Variants in SLCO1C1 observed in about 807,000 individuals in gnomAD.
SLCO1C1 encodes solute carrier organic anion transporter family member 1C1.
SLCO1C1 carries 70 observed loss-of-function variants against 76.4 expected under a neutral mutation model. That is an observed-to-expected ratio of 0.92 (90% CI 0.76 to 1.12). The LOEUF is 1.12. Among genes scored for constraint, SLCO1C1 ranks in the 50% most tolerant of loss-of-function variants. The pLI, the probability that SLCO1C1 is intolerant of heterozygous loss-of-function variation, is 0.00. For missense variants in SLCO1C1, 912 were observed against 823.8 expected (o/e 1.11, Z -1.31); for synonymous variants, 306 against 286.1 (o/e 1.07, Z -0.70).
At chr12:20,725,174 T>C (rs1157720969) in intron 9 of SLCO1C1, among the ~76,000 whole-genome samples, 1 of 136,834 alleles carries the variant, frequency 7.3e-6, no homozygotes, top group Admixed American at 7.6e-5. Context: ...TTATTATTTA[T>C]ATTATAAATC....
chr12:20,715,950 A>G (rs1253456692), intron 6 of SLCO1C1, among the ~76,000 whole-genome samples: 1 of 152,202 alleles, frequency 6.6e-6, no homozygotes, highest in African/African-American at 2.4e-5. Flanking sequence ...TGATGTCTTA[A>G]TATTAAGCTA....
Position 20,724,028 on chromosome 12 carries a change from T to C in SLCO1C1, c.1186+774T>C, listed in dbSNP as rs1056124351. On this transcript the variant is annotated intron_variant, in intron 9 of 14. Transcript: ENST00000266509. ...TGTATTTTAGGAGATATAATTTTTC[T>C]ATGATAATCTTGGGTAATGGGCATA... Among the ~76,000 whole-genome samples, 40 of 152,118 alleles carry C rather than the reference T, an allele frequency of 2.6e-4. 1 individual carries two copies. The highest frequency in any genetic ancestry group is 2.0e-3 in the Admixed American group (30 of 15,260).
intron 4 of SLCO1C1, 87 bp downstream of exon 4, chr12:20,706,168 A>C: frequency 7.0e-7 from 1 of 1,438,068 alleles, no homozygotes; most frequent in Non-Finnish European, 9.3e-7. Flanking sequence ...TGCAAATTTA[A>C]GCTTAACCCA....
intron 8 of SLCO1C1, 90 bp from the exon 9 acceptor site, chr12:20,723,000 C>A: frequency 1.7e-6 from 2 of 1,161,450 alleles, no homozygotes; most frequent in South Asian, 1.5e-5. Context: ...TGACAATGGG[C>A]CCCAGCCCTG....
chr12:20,724,387 T>C (rs925010923), intron 9 of SLCO1C1, among the ~76,000 whole-genome samples: 3 of 144,730 alleles, frequency 2.1e-5, no homozygotes, highest in Non-Finnish European at 4.5e-5. Flanking sequence ...AATTTTGATA[T>C]ATATAATGTG....
chr12:20,699,900 C>T, intron 2 of SLCO1C1, 195 bp downstream of exon 2: 2 of 462,602 alleles, frequency 4.3e-6, no homozygotes, highest in Non-Finnish European at 7.1e-6. Flanking sequence ...AATTACTTTC[C>T]TGGGCTCATT....
chr12:20,749,916 A>G (rs1411127356), intron 13 of SLCO1C1, among the ~76,000 whole-genome samples: 1 of 152,222 alleles, frequency 6.6e-6, no homozygotes, highest in Non-Finnish European at 1.5e-5. Context: ...AAGAATGTGA[A>G]TAAGAGAAAA....
At position 20,723,075 on chromosome 12, in the gene SLCO1C1, A is replaced by G. The variant is rs1435372408; in HGVS notation, c.1022-15A>G. ...ACACCAACTTTAATTAGTCTATGTTATTTTTGTTTTACAGATTTTCTTCCA... is the reference window on the plus strand; with the variant it reads ...ACACCAACTTTAATTAGTCTATGTTGTTTTTGTTTTACAGATTTTCTTCCA... On this transcript the variant is annotated splice_polypyrimidine_tract_variant and intron_variant, in intron 8 of 14. Coordinates refer to ENST00000266509, the MANE Select transcript of SLCO1C1 (RefSeq NM_017435.5). The G allele has an allele frequency of 1.2e-6, 2 of 1,602,006 alleles. No individual in the cohort carries two copies. Among genetic ancestry groups the G allele is most frequent in the South Asian group, 2.2e-5 (2 of 89,386 alleles).
At chr12:20,743,016 T>C (rs1592327258) in intron 12 of SLCO1C1, among the ~76,000 whole-genome samples, 1 of 152,186 alleles carries the variant, frequency 6.6e-6, no homozygotes, top group Non-Finnish European at 1.5e-5. Context: ...ATTCTGAATC[T>C]TTGCTATTTT....
intron 13 of SLCO1C1, among the ~76,000 whole-genome samples, chr12:20,750,278 AATAG>A (rs1949234074): frequency 6.6e-6 from 1 of 152,190 alleles, no homozygotes; most frequent in South Asian, 2.1e-4. Flanking sequence ...AGATATACCT[AATAG>A]ATAGACTCAG....
At chr12:20,750,862 T>A (rs1400085102) in intron 14 of SLCO1C1, 70 bp downstream of exon 14, 1 of 1,613,916 alleles carries the variant, frequency 6.2e-7, no homozygotes, top group African/African-American at 1.3e-5. Flanking sequence ...CCACTGACAC[T>A]AACAAGTTTT....
At chr12:20,718,122 C>T (rs1170839903) in intron 7 of SLCO1C1, among the ~76,000 whole-genome samples, 2 of 152,066 alleles carry the variant, frequency 1.3e-5, no homozygotes, top group Non-Finnish European at 2.9e-5. Flanking sequence ...CAGTTGAGTT[C>T]CTTGACTTCA....
At chr12:20,746,612 G>A (rs1001254805) in intron 13 of SLCO1C1, among the ~76,000 whole-genome samples, 6 of 152,134 alleles carry the variant, frequency 3.9e-5, no homozygotes, top group African/African-American at 7.2e-5. Flanking sequence ...ACTAAGAGTG[G>A]CAACTAGGTA....
At chr12:20,707,569 G>A (rs1244703254) in intron 4 of SLCO1C1, among the ~76,000 whole-genome samples, 2 of 152,062 alleles carry the variant, frequency 1.3e-5, no homozygotes, top group African/African-American at 4.8e-5. Context: ...CTTAAAACAG[G>A]TATTAAAAAT....
intron 13 of SLCO1C1, among the ~76,000 whole-genome samples, chr12:20,747,072 A>G (rs1007714960): frequency 6.6e-6 from 1 of 152,218 alleles, no homozygotes; most frequent in African/African-American, 2.4e-5. Flanking sequence ...GTAGAGATGC[A>G]TGCTGAAATA....
intron 3 of SLCO1C1, among the ~76,000 whole-genome samples, chr12:20,702,366 C>G (rs1225092037): frequency 6.6e-6 from 1 of 151,834 alleles, no homozygotes; most frequent in Non-Finnish European, 1.5e-5. Flanking sequence ...GAATAAGTAA[C>G]CTTTTGCCTT....
At chr12:20,697,393 T>C (rs904202510) in intron 1 of SLCO1C1, 4 of 152,084 alleles carry the variant, frequency 2.6e-5, no homozygotes, top group Admixed American at 2.0e-4. Flanking sequence ...ATCTCTTGCT[T>C]GGCAATATTT....
At chr12:20,743,677 T>C (rs1297514170) in intron 13 of SLCO1C1, among the ~76,000 whole-genome samples, 1 of 152,110 alleles carries the variant, frequency 6.6e-6, no homozygotes, top group African/African-American at 2.4e-5. Context: ...TCCATGGCTT[T>C]AACAAGAGAG....
At chr12:20,750,916 AAAGTGT>A in intron 14 of SLCO1C1, 124 bp downstream of exon 14, 1 of 1,575,656 alleles carries the variant, frequency 6.3e-7, no homozygotes, top group Non-Finnish European at 8.7e-7. Context: ...GTCTAATCAA[AAAGTGT>A]GATCTGTAGT....
Sources: allele counts gnomAD v4.1 joint callset (sites outside exome capture counted in the v4.1 genomes callset), GRCh38; gene constraint gnomAD v4.1.1; transcripts MANE v1.5; gene names NCBI Gene and HGNC (gene_info 2026-07-23, HGNC 2026-07-21).